Variants in MAX observed in about 807,000 individuals in gnomAD.
MAX encodes the protein protein max.
Under a neutral mutation model 22.3 loss-of-function variants are expected in MAX, and 3 were observed. The ratio of observed to expected loss-of-function variants is 0.13; its 90% CI spans 0.06 to 0.35. The LOEUF is 0.35. Ranked by LOEUF, MAX falls within the 10% of genes least tolerant of loss-of-function variation. MAX has a pLI of 1.00. For missense variants in MAX, 119 were observed against 209.4 expected (o/e 0.57, Z 2.66); for synonymous variants, 72 against 77.7 (o/e 0.93, Z 0.39).
rs533788083 is a variant in MAX, at chr14:65,037,259, A to G, written c.172-30975T>C. On this transcript the variant is annotated intron_variant, in intron 3 of 3. Coordinates refer to the MAX transcript ENST00000341653. ...GCTGGGACTACAGAAGCCCACGACC[A>G]CGCCCAGCTAATTTTTGTATTTTTA... is the stretch of plus-strand genomic sequence containing the variant. Among the ~76,000 whole-genome samples, 91 of 150,174 alleles carry G rather than the reference A, an allele frequency of 6.1e-4. 1 individual carries two copies. Among genetic ancestry groups the G allele is most frequent in the Non-Finnish European group, 9.8e-4 (66 of 67,568 alleles).
chr14:65,095,439 T>C (rs554165279), intron 2 of MAX, among the ~76,000 whole-genome samples: 1 of 152,222 alleles, frequency 6.6e-6, no homozygotes, highest in East Asian at 1.9e-4. Flanking sequence ...AGGTAGGTAC[T>C]CTGTATCATA....
At chr14:65,060,080 A>G (rs1217856690) in intron 3 of MAX, among the ~76,000 whole-genome samples, 2 of 151,074 alleles carry the variant, frequency 1.3e-5, no homozygotes, top group Non-Finnish European at 3.0e-5. Context: ...TGATCCATCC[A>G]CCTCGGCCTC....
At chr14:65,025,646 C>A (rs1399073855) in intron 3 of MAX, among the ~76,000 whole-genome samples, 1 of 152,012 alleles carries the variant, frequency 6.6e-6, no homozygotes, top group African/African-American at 2.4e-5. Context: ...GAAACCCCAT[C>A]TTTATAAAAA....
At position 65,077,851 on chromosome 14, in the gene MAX, G is replaced by A. The variant is rs113213819; in HGVS notation, c.295+62C>T. ...TGGCTCTGACTCTGCAGGCCCAGGT[G>A]CCAAAGCCTGACCTGGCTGGAGCAC... On this transcript the variant is annotated intron_variant, in intron 4 of 4. Coordinates refer to ENST00000358664, the MANE Select transcript of MAX (RefSeq NM_002382.5). The surrounding 1 kb of genome is among the most constrained non-coding windows in gnomAD (Gnocchi z 6.3). 2 of 1,614,222 alleles carry A rather than the reference G, an allele frequency of 1.2e-6. No individual in the cohort carries two copies. Among genetic ancestry groups the A allele is most frequent in the South Asian group, 1.1e-5 (1 of 91,090 alleles).
In MAX at chr14:65,079,581, C is replaced by T. The variant is rs998247; in HGVS notation, c.172-1545G>A. The stretch of plus-strand genomic sequence containing the variant: ...AGTAGCTTAAGTATGGCCTTCCAGC[C>T]AGAGACTCCTGAGCAGCCGGAAAGC... On this transcript the variant is annotated intron_variant, in intron 3 of 4. Coordinates refer to ENST00000358664, the MANE Select transcript of MAX (RefSeq NM_002382.5). The surrounding 1 kb of genome is among the most constrained non-coding windows in gnomAD (Gnocchi z 4.5). Among the ~76,000 whole-genome samples, 79,073 of 152,088 alleles carry T rather than the reference C, an allele frequency of 0.52. 23,490 individuals are homozygous for T. Among genetic ancestry groups the T allele is most frequent in the African/African-American group, 0.83 (34,521 of 41,506 alleles).
intron 3 of MAX, chr14:65,053,129 G>T: frequency 1.3e-6 from 1 of 782,208 alleles, no homozygotes; most frequent in Non-Finnish European, 1.8e-6. Context: ...AATGGAAGAG[G>T]AAGGGGAGCA....
At chr14:65,070,347 C>CT (rs1164756722), downstream of MAX, among the ~76,000 whole-genome samples, 1 of 152,190 alleles carries the variant, frequency 6.6e-6, no homozygotes, top group Non-Finnish European at 1.5e-5. The surrounding 1 kb of genome is among the most constrained non-coding windows in gnomAD (Gnocchi z 4.4). Context: ...TTTTCTTCTT[C>CT]TTCTTCTCTA....
rs2063415487 is a variant in MAX at position 65,088,798 on chromosome 14, C to G, written c.171+4910G>C. Among the ~76,000 whole-genome samples, 1 of 152,142 alleles carries G rather than the reference C, an allele frequency of 6.6e-6. No homozygotes were observed. Among genetic ancestry groups the G allele is most frequent in the African/African-American group, 2.4e-5 (1 of 41,432 alleles). ...TGCCAGCAGACAGTCATTTAATAATCACACAAATATATATAAAACCTCATA... is the reference window on the plus strand; with the variant it reads ...TGCCAGCAGACAGTCATTTAATAATGACACAAATATATATAAAACCTCATA... On this transcript the variant is annotated intron_variant, in intron 3 of 4. Transcript: ENST00000358664. The surrounding 1 kb of genome is among the most constrained non-coding windows in gnomAD (Gnocchi z 5.2).
chr14:65,040,876 T>G (rs1332734682), intron 3 of MAX: 1 of 1,613,934 alleles, frequency 6.2e-7, no homozygotes, highest in Non-Finnish European at 8.5e-7. Context: ...GCCGCGCTGG[T>G]AATCCTCAAG....
At chr14:65,024,624 C>T (rs2061947505) in intron 3 of MAX, among the ~76,000 whole-genome samples, 2 of 152,154 alleles carry the variant, frequency 1.3e-5, no homozygotes, top group African/African-American at 2.4e-5. Flanking sequence ...TGATGTATTG[C>T]AGCTTTCAGT....
chr14:65,013,590 C>T (rs2061718879), intron 3 of MAX, among the ~76,000 whole-genome samples: 1 of 152,192 alleles, frequency 6.6e-6, no homozygotes, highest in Non-Finnish European at 1.5e-5. Context: ...CGCTGTATTT[C>T]CCAGGCTGGA....
In MAX at chr14:65,102,247, C is replaced by T. The variant is rs2139975304; in HGVS notation, c.36+57G>A. 4 of 1,608,488 alleles carry T rather than the reference C, an allele frequency of 2.5e-6. No individual in the cohort carries two copies. The East Asian group carries it at 6.8e-5, about 27-fold the overall frequency. On this transcript the variant is annotated intron_variant, in intron 1 of 4. Transcript: ENST00000358664. Reference sequence around the variant, plus strand: ...TCCCGCCGTCGCCCCGCTAAGAGCCCCGGCCGCTGTCCCCGCCTGACAACC... The same window carrying T: ...TCCCGCCGTCGCCCCGCTAAGAGCCTCGGCCGCTGTCCCCGCCTGACAACC...
At position 65,098,757 on chromosome 14, in the gene MAX, T is replaced by C. The variant is rs952475742; in HGVS notation, c.63+2789A>G. Reference sequence around the variant, plus strand: ...GGTTACTTCCTTTAACAAAGCTTACTGGCCATTGGAGAAGCTGTTTTCCGT... The same window carrying C: ...GGTTACTTCCTTTAACAAAGCTTACCGGCCATTGGAGAAGCTGTTTTCCGT... On this transcript the variant is annotated intron_variant, in intron 2 of 4. Transcript: ENST00000358664. Among the ~76,000 whole-genome samples the C allele has an allele frequency of 2.0e-5, 3 of 152,320 alleles. No individual in the cohort carries two copies. The South Asian group carries it at 6.2e-4, about 32-fold the overall frequency.
intron 3 of MAX, among the ~76,000 whole-genome samples, chr14:65,049,850 A>G (rs1288574439): frequency 6.6e-6 from 1 of 152,154 alleles, no homozygotes; most frequent in Non-Finnish European, 1.5e-5. Context: ...GTTGCGAACC[A>G]TCATGACAAT....
chr14:65,012,138 C>A lies in MAX; in HGVS notation c.172-5854G>T. The A allele has an allele frequency of 1.6e-6, 1 of 634,576 alleles. No individual in the cohort carries two copies. Among genetic ancestry groups the A allele is most frequent in the Non-Finnish European group, 2.7e-6 (1 of 373,470 alleles). 39.3% of individuals were successfully genotyped at this position (634,576 alleles called of 1,614,324 possible). A position where few individuals can be genotyped will look rare whatever the true frequency, so the allele number is the denominator to read the frequency against. On this transcript the variant is annotated intron_variant, in intron 3 of 3. Coordinates refer to the MAX transcript ENST00000341653. The surrounding 1 kb of genome is among the most constrained non-coding windows in gnomAD (Gnocchi z 5.0). ...TGCTTTAGAGACATTCAGACAAGAGCTTCTTTTCTCTGGTTTAGTTGCTCT... is the reference window on the plus strand; with the variant it reads ...TGCTTTAGAGACATTCAGACAAGAGATTCTTTTCTCTGGTTTAGTTGCTCT...
At chr14:65,037,007 G>A (rs1269778804) in intron 3 of MAX, among the ~76,000 whole-genome samples, 1 of 151,876 alleles carries the variant, frequency 6.6e-6, no homozygotes, top group African/African-American at 2.4e-5. Flanking sequence ...TCATTTTGCT[G>A]GGCACTCGAT....
chr14:65,093,560 G>C lies in MAX; in HGVS notation c.171+148C>G, dbSNP rs2063575272. The C allele has an allele frequency of 1.3e-5, 9 of 691,886 alleles. No individual in the cohort carries two copies. Among genetic ancestry groups the C allele is most frequent in the South Asian group, 7.6e-5 (5 of 65,866 alleles). 42.9% of individuals were successfully genotyped at this position (691,886 alleles called of 1,614,324 possible). ...AACTGGAGTACGTAAGGTGTGCAGT[G>C]ATCCTCCAAACAGTCAAAAATAAGG... is the stretch of plus-strand genomic sequence containing the variant. On this transcript the variant is annotated intron_variant, in intron 3 of 4. Coordinates refer to ENST00000358664, the MANE Select transcript of MAX (RefSeq NM_002382.5). This position sits in a 1 kb window ranked among gnomAD's most constrained non-coding sequence, Gnocchi z 4.4.
At chr14:65,055,188 T>C (rs972389968) in intron 3 of MAX, among the ~76,000 whole-genome samples, 3 of 141,140 alleles carry the variant, frequency 2.1e-5, no homozygotes, top group Admixed American at 1.4e-4. Flanking sequence ...GGTGGTGTGT[T>C]GTTTAATGTG....
Position 65,075,202 on chromosome 14 carries a change from G to A in MAX, c.*1274C>T. ...TAACTTGCAAGACAATTCTTCGGCA[G>A]TATGTACAACATACTTTTTATTTCC... On this transcript the variant is annotated 3_prime_UTR_variant, in exon 5 of 5. Transcript: ENST00000358664. The surrounding 1 kb of genome is among the most constrained non-coding windows in gnomAD (Gnocchi z 4.1). 1.7e-5 allele frequency: 18 copies of A among 1,046,396 alleles called. No homozygotes were observed. Among genetic ancestry groups the A allele is most frequent in the Non-Finnish European group, 2.1e-5 (18 of 867,380 alleles). The allele number at this position is 1,046,396 out of a possible 1,614,324, so 64.8% of individuals were successfully genotyped here.
Sources: gnomAD v4.1 joint callset for allele counts (sites outside exome capture counted in the v4.1 genomes callset) on GRCh38, gnomAD v4.1.1 for gene constraint, Gnocchi (gnomAD v3.1) non-coding constraint, MANE v1.5 for transcripts, NCBI Gene and HGNC (gene_info 2026-07-23, HGNC 2026-07-21) for gene names.